Variants in MTG2 observed in about 807,000 individuals in gnomAD.
MTG2 encodes mitochondrial ribosome associated GTPase 2, also known as mitochondrial ribosome-associated GTPase 2.
Under a neutral mutation model 28.6 loss-of-function variants are expected in MTG2, and 23 were observed. The observed-to-expected ratio is 0.80, with a 90% confidence interval of 0.58 to 1.14. MTG2 has a LOEUF of 1.14. MTG2 is among the 50% of genes most tolerant of loss of function. MTG2 has a pLI of 0.00. For missense variants in MTG2, 539 were observed against 552.0 expected (o/e 0.98, Z 0.24); for synonymous variants, 260 against 251.8 (o/e 1.03, Z -0.31).
chr20:62,190,942 A>G (rs75469369), intron 1 of MTG2, among the ~76,000 whole-genome samples: 16,458 of 152,304 alleles, frequency 0.11, 990 homozygotes, highest in Admixed American at 0.15. Context: ...GTCGGAGAAC[A>G]GAGACCCGCT....
chr20:62,196,147 T>G (rs1373645138), intron 3 of MTG2, among the ~76,000 whole-genome samples, 198 bp downstream of exon 3: 1 of 148,192 alleles, frequency 6.7e-6, no homozygotes, highest in African/African-American at 2.5e-5. Context: ...ACCATGTCTT[T>G]TTTGTTTGTT....
rs754921359 is a variant in MTG2 at position 62,200,963 on chromosome 20, G to A, written c.1107G>A (p.Val369=). Residue 369 remains valine (V), a synonymous_variant, in exon 7 of 7, where the codon GTG becomes GTA. Coordinates refer to ENST00000370823, the MANE Select transcript of MTG2 (RefSeq NM_015666.4). ...LRDHLGQEVI[V]LSALTGENLE... is the part of the protein sequence containing the mutation. ...ATCACTTGGGACAGGAGGTCATCGT[G>A]CTGTCGGCGTTGACCGGCGAGAACC... 3 of 1,614,018 alleles carry A rather than the reference G, an allele frequency of 1.9e-6. No individual in the cohort carries two copies. The South Asian group carries it at 3.3e-5, about 18-fold the overall frequency.
At chr20:62,187,745 G>A (rs1313584856) in intron 1 of MTG2, among the ~76,000 whole-genome samples, 1 of 152,160 alleles carries the variant, frequency 6.6e-6, no homozygotes, top group Non-Finnish European at 1.5e-5. Flanking sequence ...CAGGCTAGAA[G>A]TGTGTTAGTT....
chr20:62,200,551 A>T, intron 6 of MTG2, 132 bp from the exon 7 acceptor site: 1 of 1,130,704 alleles, frequency 8.8e-7, no homozygotes, highest in Non-Finnish European at 1.2e-6. Flanking sequence ...CCTTGAAAGG[A>T]AAGTGTTAGA....
At position 62,198,780 on chromosome 20, in the gene MTG2, C is replaced by T; in HGVS notation, c.615C>T (p.Thr205=). Residue 205 remains threonine (T), a synonymous_variant, in exon 5 of 7, where the codon ACC becomes ACT. Coordinates refer to ENST00000370823, the MANE Select transcript of MTG2 (RefSeq NM_015666.4). ...CCAACAACAACCGTGCCCCTGTGAC[C>T]TGTACCCCTGGACAGCCAGGACAGC... ...FLANNNRAPV[T]CTPGQPGQQR... 1 of 1,614,166 alleles carries T rather than the reference C, an allele frequency of 6.2e-7. No homozygotes were observed. The highest frequency in any genetic ancestry group is 8.5e-7 in the Non-Finnish European group (1 of 1,180,054).
rs972468670 is a variant in MTG2, at chr20:62,184,736, G to A, written c.-6+1679G>A. On this transcript the variant is annotated intron_variant, in intron 1 of 6. Transcript: ENST00000370823. Reference sequence around the variant, plus strand: ...ACAGCACAGGGCAGGGTGGAAAGCTGGTCTGGAAAAGCAAATGGAAGATAG... The same window carrying A: ...ACAGCACAGGGCAGGGTGGAAAGCTAGTCTGGAAAAGCAAATGGAAGATAG... 2.6e-5 allele frequency among the ~76,000 whole-genome samples: 4 copies of A among 152,166 alleles called. No individual in the cohort carries two copies. The East Asian group carries it at 7.7e-4, about 29-fold the overall frequency.
rs764457364 is a variant in MTG2, at chr20:62,193,460, G to A, written c.40G>A (p.Val14Met). 7.4e-6 allele frequency: 12 copies of A among 1,614,200 alleles called. No homozygotes were observed. Among genetic ancestry groups the A allele is most frequent in the South Asian group, 3.3e-5 (3 of 91,082 alleles). ...ARCFSARLRT[V>M]FQGVGHWALS... ...GTGTTTCTCAGCAAGATTGAGGACC[G>A]TGTTTCAGGGCGTGGGGCATTGGGC... Residue 14 changes from valine (V) to methionine (M), a missense_variant, in exon 2 of 7, where the codon GTG becomes ATG. By Grantham distance (21) the Val-to-Met change is conservative. Transcript: ENST00000370823.
In MTG2 at chr20:62,195,869, G is replaced by A; in HGVS notation, c.272G>A (p.Cys91Tyr). The change falls in exon 3 of 7, where the codon TGC becomes TAC. Residue 91 changes from cysteine to tyrosine, a missense_variant. Physicochemically the swap from Cys to Tyr is radical, Grantham distance 194. Coordinates refer to ENST00000370823, the MANE Select transcript of MTG2 (RefSeq NM_015666.4). ...GGAAACGGAGGCGCTGGGGCAAGCTGCTTCCACAGTGAGCCCCGCAAGGAG... is the reference window on the plus strand; with the variant it reads ...GGAAACGGAGGCGCTGGGGCAAGCTACTTCCACAGTGAGCCCCGCAAGGAG... ...CGGNGGAGAS[C>Y]FHSEPRKEFG... is the part of the protein sequence containing the mutation. The A allele has an allele frequency of 6.2e-7, 1 of 1,614,236 alleles. No homozygotes were observed. The highest frequency in any genetic ancestry group is 8.5e-7 in the Non-Finnish European group (1 of 1,180,044).
chr20:62,197,000 C>T (rs1376437874), intron 3 of MTG2, among the ~76,000 whole-genome samples: 1 of 151,780 alleles, frequency 6.6e-6, no homozygotes, highest in African/African-American at 2.4e-5. Context: ...CCATTGCACT[C>T]TAGCCTCGGC....
Position 62,201,155 on chromosome 20 carries a change from A to G in MTG2, c.*78A>G, listed in dbSNP as rs1213274720. 33 of 1,454,642 alleles carry G rather than the reference A, an allele frequency of 2.3e-5. No homozygotes were observed. The highest frequency in any genetic ancestry group is 2.6e-5 in the Non-Finnish European group (29 of 1,103,744). 90.1% of individuals were successfully genotyped at this position (1,454,642 alleles called of 1,614,324 possible). On this transcript the variant is annotated 3_prime_UTR_variant, in exon 7 of 7. Transcript: ENST00000370823. The stretch of plus-strand genomic sequence containing the variant: ...GAATTCGGTGGTTTTGAATGCATAA[A>G]GTGCCTTGTGGACACGGGGGAGTTG...
At position 62,195,907 on chromosome 20, in the gene MTG2, G is replaced by C. The variant is rs1223491979; in HGVS notation, c.310G>C (p.Asp104His). 6.2e-7 allele frequency: 1 copy of C among 1,614,232 alleles called. No individual in the cohort carries two copies. The highest frequency in any genetic ancestry group is 8.5e-7 in the Non-Finnish European group (1 of 1,180,036). The change falls in exon 3 of 7, where the codon GAT (aspartate) becomes CAT (histidine). Residue 104 changes from aspartate (D) to histidine (H), a missense_variant. Physicochemically the swap from Asp to His is moderately conservative, Grantham distance 81. Coordinates refer to ENST00000370823, the MANE Select transcript of MTG2 (RefSeq NM_015666.4). ...GCCCCGCAAGGAGTTTGGAGGCCCT[G>C]ATGGAGGGGACGGAGGCAACGGTGG... Reference protein sequence around the residue: ...SEPRKEFGGPDGGDGGNGGHV... With the variant: ...SEPRKEFGGPHGGDGGNGGHV...
chr20:62,199,315 A>C, intron 6 of MTG2, 58 bp downstream of exon 6: 1 of 1,567,848 alleles, frequency 6.4e-7, no homozygotes, highest in Non-Finnish European at 8.7e-7. Context: ...TCAGAAAAGT[A>C]ATGATGTAAC....
At chr20:62,195,709 A>T (rs1475833202) in intron 2 of MTG2, 93 bp from the exon 3 acceptor site, 8 of 1,463,824 alleles carry the variant, frequency 5.5e-6, no homozygotes, top group Non-Finnish European at 7.6e-6. Context: ...ATAGGCTGTT[A>T]TAGATAGAAG....
In MTG2 at chr20:62,202,906, A is replaced by C. The variant is rs536032043; in HGVS notation, c.*1829A>C. ...CACGCTGGGGTGGGGCGCGCTTTGC[A>C]CAGCAGGCCGGTGCCTGGGCTTTCA... On this transcript the variant is annotated 3_prime_UTR_variant, in exon 7 of 7. Coordinates refer to ENST00000370823, the MANE Select transcript of MTG2 (RefSeq NM_015666.4). The C allele has an allele frequency of 6.6e-6, 1 of 152,394 alleles. No homozygotes were observed. Among genetic ancestry groups the C allele is most frequent in the South Asian group, 2.1e-4 (1 of 4,834 alleles). The allele number at this position is 152,394 out of a possible 1,614,324, so 9.4% of individuals were successfully genotyped here.
At chr20:62,192,545 A>G (rs375818707) in intron 1 of MTG2, among the ~76,000 whole-genome samples, 3 of 152,246 alleles carry the variant, frequency 2.0e-5, no homozygotes, top group South Asian at 2.1e-4. Flanking sequence ...CTCAGCCTCC[A>G]GCCCCTCTGC....
intron 1 of MTG2, among the ~76,000 whole-genome samples, chr20:62,184,091 G>T (rs189356410): frequency 9.6e-4 from 147 of 152,378 alleles, no homozygotes; most frequent in African/African-American, 3.4e-3. Context: ...GGGCGCGGTG[G>T]CTCACGCCTG....
In MTG2 at chr20:62,203,468, TC is replaced by T. The variant is rs974887542; in HGVS notation, c.*2395del. The T allele has an allele frequency of 2.0e-5, 3 of 152,394 alleles. No individual in the cohort carries two copies. Among genetic ancestry groups the T allele is most frequent in the African/African-American group, 7.2e-5 (3 of 41,588 alleles). 9.4% of individuals were successfully genotyped at this position (152,394 alleles called of 1,614,324 possible). A position where few individuals can be genotyped will look rare whatever the true frequency, so the allele number is the denominator to read the frequency against. ...GAGTAGGGTAAAGCTACACTTGGCTTCCCCAGTTTCCTGTTTCCTGCCTAGA... is the reference window on the plus strand; with the variant it reads ...GAGTAGGGTAAAGCTACACTTGGCTTCCCAGTTTCCTGTTTCCTGCCTAGA... On this transcript the variant is annotated 3_prime_UTR_variant, in exon 7 of 7. Transcript: ENST00000370823.
chr20:62,200,773 T>G lies in MTG2; in HGVS notation c.917T>G (p.Leu306Arg), dbSNP rs753598238. 5 of 1,613,836 alleles carry G rather than the reference T, an allele frequency of 3.1e-6. No individual in the cohort carries two copies. The highest frequency in any genetic ancestry group is 4.2e-6 in the Non-Finnish European group (5 of 1,180,038). Residue 306 changes from leucine (L) to arginine (R), a missense_variant, in exon 7 of 7, where the codon CTC becomes CGC. Coordinates refer to ENST00000370823, the MANE Select transcript of MTG2 (RefSeq NM_015666.4). ...FLRHIERCRF[L>R]LFVVDLSQPE... ...AGGCACATCGAGCGCTGCCGCTTTC[T>G]CTTGTTCGTGGTGGATCTTTCTCAG...
intron 1 of MTG2, among the ~76,000 whole-genome samples, chr20:62,189,470 C>T (rs2057912691): frequency 6.6e-6 from 1 of 152,072 alleles, no homozygotes; most frequent in African/African-American, 2.4e-5. Flanking sequence ...CCACCATGCC[C>T]AGCTAATTCC....
Sources: allele counts gnomAD v4.1 joint callset (sites outside exome capture counted in the v4.1 genomes callset), GRCh38; gene constraint gnomAD v4.1.1; transcripts MANE v1.5; gene names NCBI Gene and HGNC (gene_info 2026-07-23, HGNC 2026-07-21).